Variants in LMX1A observed in about 807,000 individuals in gnomAD.
The protein encoded by LMX1A is LIM homeobox transcription factor 1-alpha.
In LMX1A, 15 loss-of-function variants were observed where a neutral mutation model predicts 49.1. The ratio of observed to expected loss-of-function variants is 0.31; its 90% confidence interval spans 0.20 to 0.47. LMX1A has a LOEUF of 0.47. LMX1A is among the 20% of genes least tolerant of loss of function. LMX1A has a pLI of 1.00. For synonymous variants in LMX1A, 167 were observed against 185.7 expected, an observed-to-expected ratio of 0.90 and a Z score of 0.82; for missense variants, 372 against 475.8, an observed-to-expected ratio of 0.78 and a Z score of 2.03.
At chr1:165,255,626 AC>A (rs1414671879) in intron 3 of LMX1A, among the ~76,000 whole-genome samples, 3 of 152,162 alleles carry the variant, frequency 2.0e-5, no homozygotes, top group Admixed American at 2.0e-4. Context: ...TTATCATTTG[AC>A]CTTTGCAGAT....
intron 3 of LMX1A, among the ~76,000 whole-genome samples, chr1:165,257,909 G>T (rs1439717983): frequency 6.6e-6 from 1 of 152,206 alleles, no homozygotes; most frequent in Non-Finnish European, 1.5e-5. Context: ...GTAGTGTACT[G>T]TGTTTGCCCC....
At chr1:165,233,000 T>A (rs1195642697) in intron 4 of LMX1A, among the ~76,000 whole-genome samples, 1 of 152,172 alleles carries the variant, frequency 6.6e-6, no homozygotes, top group Non-Finnish European at 1.5e-5. Flanking sequence ...GTCCCAATAC[T>A]TATGTATATA....
chr1:165,295,258 A>AG (rs1178710517), intron 3 of LMX1A, among the ~76,000 whole-genome samples: 1 of 151,260 alleles, frequency 6.6e-6, no homozygotes, highest in Non-Finnish European at 1.5e-5. Flanking sequence ...ATATATAGGC[A>AG]GAAAAAAAGA....
intron 3 of LMX1A, among the ~76,000 whole-genome samples, chr1:165,349,691 C>T (rs1446521817): frequency 2.0e-5 from 3 of 151,982 alleles, no homozygotes; most frequent in East Asian, 1.9e-4. Flanking sequence ...CTTAATAAAA[C>T]GTCCCGAAGT....
chr1:165,229,083 T>A (rs1391123126), intron 4 of LMX1A, among the ~76,000 whole-genome samples: 1 of 152,120 alleles, frequency 6.6e-6, no homozygotes, highest in Non-Finnish European at 1.5e-5. Flanking sequence ...ATCAGCTGCC[T>A]TTAATTTATA....
At chr1:165,241,028 A>G (rs1310071882) in intron 4 of LMX1A, among the ~76,000 whole-genome samples, 4 of 152,158 alleles carry the variant, frequency 2.6e-5, no homozygotes, top group African/African-American at 9.7e-5. Context: ...TTTCTATTAA[A>G]TCTCAGAAGT....
rs1655487959 is a variant in LMX1A at position 165,323,743 on chromosome 1, C to T, written c.263+29333G>A. On this transcript the variant is annotated intron_variant, in intron 3 of 8. Coordinates refer to ENST00000342310, the MANE Select transcript of LMX1A (RefSeq NM_177398.4). ...ACTTCTTTGCTCCTTCATGATAAGT[C>T]CTTGCGTGTTTAATTTATACCCCAT... Among the ~76,000 whole-genome samples the T allele has an allele frequency of 2.0e-5, 3 of 152,288 alleles. No individual in the cohort carries two copies. The South Asian group carries it at 6.2e-4, about 32-fold the overall frequency.
rs142261954 is a variant in LMX1A at position 165,338,541 on chromosome 1, G to T, written c.263+14535C>A. 4.6e-5 allele frequency among the ~76,000 whole-genome samples: 7 copies of T among 152,292 alleles called. No homozygotes were observed. The East Asian group carries it at 1.3e-3, about 29-fold the overall frequency. On this transcript the variant is annotated intron_variant, in intron 3 of 8. Transcript: ENST00000342310. Reference sequence around the variant, plus strand: ...AAAGAGTGCATTTCATTTGGCCCTTGCTCTTAACTGTCAACAGGGAAATTG... The same window carrying T: ...AAAGAGTGCATTTCATTTGGCCCTTTCTCTTAACTGTCAACAGGGAAATTG...
intron 3 of LMX1A, among the ~76,000 whole-genome samples, chr1:165,292,025 G>T (rs953274609): frequency 1.5e-5 from 2 of 131,204 alleles, no homozygotes; most frequent in African/African-American, 5.6e-5. Flanking sequence ...TCGCGCCACT[G>T]CACTCCAGCC....
chr1:165,272,008 AAT>A (rs1185942618), intron 3 of LMX1A, among the ~76,000 whole-genome samples: 3 of 151,916 alleles, frequency 2.0e-5, no homozygotes, highest in African/African-American at 7.3e-5. Flanking sequence ...TCTTTTTTTT[AAT>A]ATATATTTTT....
At chr1:165,271,160 G>T (rs1379926683) in intron 3 of LMX1A, among the ~76,000 whole-genome samples, 1 of 152,160 alleles carries the variant, frequency 6.6e-6, no homozygotes, top group African/African-American at 2.4e-5. Flanking sequence ...TGGCCAAAGA[G>T]AAATAAGGGC....
intron 4 of LMX1A, among the ~76,000 whole-genome samples, chr1:165,247,546 C>T (rs10494440): frequency 0.095 from 14,415 of 152,172 alleles, 843 homozygotes; most frequent in Non-Finnish European, 0.13. Context: ...TCCAGGAAAA[C>T]CTAAGGCCAA....
chr1:165,309,542 G>C (rs922283839), intron 3 of LMX1A, among the ~76,000 whole-genome samples: 6 of 152,182 alleles, frequency 3.9e-5, no homozygotes, highest in African/African-American at 1.4e-4. Context: ...CCTTGAGGAA[G>C]TCCCTCCCAC....
At chr1:165,319,101 A>T (rs1655308107) in intron 3 of LMX1A, among the ~76,000 whole-genome samples, 1 of 151,858 alleles carries the variant, frequency 6.6e-6, no homozygotes, top group Non-Finnish European at 1.5e-5. Flanking sequence ...GCAATCTTAA[A>T]CCTACAGCCA....
At chr1:165,206,425 A>ATATC (rs1651082851) in intron 7 of LMX1A, among the ~76,000 whole-genome samples, 1 of 152,168 alleles carries the variant, frequency 6.6e-6, no homozygotes, top group African/African-American at 2.4e-5. Flanking sequence ...CTTTGGAATT[A>ATATC]TATCTTGCTA....
chr1:165,209,902 G>A (rs1479531796), intron 6 of LMX1A, among the ~76,000 whole-genome samples: 1 of 152,182 alleles, frequency 6.6e-6, no homozygotes, highest in Non-Finnish European at 1.5e-5. Context: ...GTCTTGTGGG[G>A]CTGAACCCTC....
rs1415151403 is a variant in LMX1A at position 165,249,535 on chromosome 1, A to G, written c.369T>C (p.Cys123=). 30 of 1,614,044 alleles carry G rather than the reference A, an allele frequency of 1.9e-5. No individual in the cohort carries two copies. The highest frequency in any genetic ancestry group is 2.5e-5 in the Non-Finnish European group (29 of 1,180,016). The part of the protein sequence containing the change: ...SVYHLSCFCC[C]VCERQLQKGD... Reference sequence around the variant, plus strand: ...CCTTCTGAAGCTGTCGCTCGCAGACACAGCAGCAGAAGCAGCTCAGGTGGT... The same window carrying G: ...CCTTCTGAAGCTGTCGCTCGCAGACGCAGCAGCAGAAGCAGCTCAGGTGGT... The change falls in exon 4 of 9, where the codon TGT becomes TGC. Residue 123 remains cysteine, a synonymous_variant. Coordinates refer to ENST00000342310, the MANE Select transcript of LMX1A (RefSeq NM_177398.4).
At chr1:165,243,460 A>C (rs1248907820) in intron 4 of LMX1A, among the ~76,000 whole-genome samples, 2 of 152,364 alleles carry the variant, frequency 1.3e-5, no homozygotes, top group Admixed American at 1.3e-4. Flanking sequence ...TGCTGGTTCA[A>C]ACCACATAAG....
Position 165,222,895 on chromosome 1 carries a change from C to G in LMX1A, c.497-9082G>C, listed in dbSNP as rs1056223758. Reference sequence around the variant, plus strand: ...AGATAAAACAGGGTCAGATACCTAGCCTTTGTTCTTACCTCCACTACTCAC... The same window carrying G: ...AGATAAAACAGGGTCAGATACCTAGGCTTTGTTCTTACCTCCACTACTCAC... On this transcript the variant is annotated intron_variant, in intron 4 of 8. Transcript: ENST00000342310. 3.9e-5 allele frequency among the ~76,000 whole-genome samples: 6 copies of G among 152,160 alleles called. No individual in the cohort carries two copies. In the South Asian group the frequency reaches 6.2e-4, roughly 16 times the overall value.
Sources: allele counts gnomAD v4.1 joint callset (sites outside exome capture counted in the v4.1 genomes callset), GRCh38; gene constraint gnomAD v4.1.1; transcripts MANE v1.5; gene names NCBI Gene and HGNC (gene_info 2026-07-23, HGNC 2026-07-21).